The following JPH3 variants were observed in gnomAD, a reference collection of about 807,000 sequenced individuals.
JPH3 encodes junctophilin 3.
JPH3 carries 11 observed loss-of-function variants against 59.6 expected under a neutral mutation model. That is an observed-to-expected ratio of 0.18 (90% confidence interval 0.12 to 0.31). The LOEUF is 0.31. Ranked by LOEUF, JPH3 falls within the 10% of genes least tolerant of loss-of-function variation. The pLI is 1.00. For synonymous variants in JPH3, 673 were observed against 483.6 expected, an observed-to-expected ratio of 1.39 and a Z score of -5.14; for missense variants, 1,202 against 1,105.7, an observed-to-expected ratio of 1.09 and a Z score of -1.24.
intron 2 of JPH3, among the ~76,000 whole-genome samples, chr16:87,678,002 C>G (rs1320048836): frequency 1.3e-5 from 2 of 152,206 alleles, no homozygotes; most frequent in Non-Finnish European, 2.9e-5. Context: ...ACTGTAATCC[C>G]AGCACTTTGG....
At position 87,677,550 on chromosome 16, in the gene JPH3, C is replaced by T. The variant is rs117581614; in HGVS notation, c.1161-6592C>T. 2.3e-3 allele frequency among the ~76,000 whole-genome samples: 355 copies of T among 152,326 alleles called. 9 individuals are homozygous for T. The East Asian group carries it at 0.061, about 26-fold the overall frequency. ...TTCTACAAGGGTCCTCCTTACTAAA[C>T]CCCCTGCACAGGTGAGGAAACTGAG... is the stretch of plus-strand genomic sequence containing the variant. On this transcript the variant is annotated intron_variant, in intron 2 of 4. Coordinates refer to ENST00000284262, the MANE Select transcript of JPH3 (RefSeq NM_020655.4).
At chr16:87,684,905 G>A (rs2033380506) in intron 3 of JPH3, among the ~76,000 whole-genome samples, 2 of 152,258 alleles carry the variant, frequency 1.3e-5, no homozygotes, top group South Asian at 4.1e-4. Flanking sequence ...CGGAGAGGCC[G>A]TGGCCAGCTG....
At chr16:87,662,610 G>C (rs1462887488) in intron 2 of JPH3, among the ~76,000 whole-genome samples, 1 of 152,202 alleles carries the variant, frequency 6.6e-6, no homozygotes, top group Non-Finnish European at 1.5e-5. Flanking sequence ...CTGGCCCCCT[G>C]GTGGCCCCTC....
intron 1 of JPH3, chr16:87,604,489 C>A: frequency 7.5e-7 from 1 of 1,330,712 alleles, no homozygotes; most frequent in Non-Finnish European, 9.8e-7. Context: ...AGTCCACTCC[C>A]ATGTGGGAGC....
rs1039614803 is a variant in JPH3, at chr16:87,644,899, A to G, written c.1024A>G (p.Ile342Val). ...TKEEGKYKQN[I>V]LVGGKRKNLI... is the part of the protein sequence containing the mutation. The stretch of plus-strand genomic sequence containing the variant: ...GGAGGAGGGCAAGTACAAGCAGAAC[A>G]TCCTCGTCGGCGGCAAGCGCAAGAA... The change falls in exon 2 of 5, where the codon ATC becomes GTC. Residue 342 changes from isoleucine (I) to valine (V), a missense_variant. Transcript: ENST00000284262. 1.9e-6 allele frequency: 3 copies of G among 1,613,134 alleles called. No individual in the cohort carries two copies. The highest frequency in any genetic ancestry group is 2.5e-6 in the Non-Finnish European group (3 of 1,179,894).
chr16:87,684,298 T>C, intron 3 of JPH3, 32 bp downstream of exon 3: 5 of 1,611,564 alleles, frequency 3.1e-6, no homozygotes, highest in Non-Finnish European at 4.2e-6. Flanking sequence ...ACTGGCATCG[T>C]GGGGAGGGGG....
At chr16:87,693,808 G>A (rs903040207) in intron 4 of JPH3, 4 of 152,400 alleles carry the variant, frequency 2.6e-5, no homozygotes, top group Admixed American at 1.3e-4. Flanking sequence ...TGCAGAGCAC[G>A]GCGGGGGTGT....
In JPH3 at chr16:87,671,426, G is replaced by A. The variant is rs1597279978; in HGVS notation, c.1161-12716G>A. Among the ~76,000 whole-genome samples, 5 of 152,316 alleles carry A rather than the reference G, an allele frequency of 3.3e-5. 1 individual carries two copies. The East Asian group carries it at 9.6e-4, about 29-fold the overall frequency. ...ACAGCACCAGGCTCATGTGCCAGGT[G>A]ACTCAGCCAGGGCCACTCACCAGCG... On this transcript the variant is annotated intron_variant, in intron 2 of 4. Coordinates refer to ENST00000284262, the MANE Select transcript of JPH3 (RefSeq NM_020655.4).
chr16:87,629,624 C>T (rs917949155), intron 1 of JPH3, among the ~76,000 whole-genome samples: 2 of 131,090 alleles, frequency 1.5e-5, no homozygotes, highest in African/African-American at 5.7e-5. Context: ...AACTAGATGG[C>T]GTTCTGGAAG....
chr16:87,674,861 A>C (rs1000870259), intron 2 of JPH3, among the ~76,000 whole-genome samples: 2 of 152,030 alleles, frequency 1.3e-5, no homozygotes, highest in Non-Finnish European at 2.9e-5. Flanking sequence ...CTTGGGTTCA[A>C]GCCATTCTCC....
At chr16:87,677,215 CACACACACACAA>C (rs1309695103) in intron 2 of JPH3, among the ~76,000 whole-genome samples, 22 of 125,650 alleles carry the variant, frequency 1.8e-4, no homozygotes, top group East Asian at 5.3e-4. Context: ...CACACACACA[CACACACACACAA>C]AAAAAAAAAT....
chr16:87,658,205 G>C (rs1224032048), intron 2 of JPH3, among the ~76,000 whole-genome samples: 1 of 152,164 alleles, frequency 6.6e-6, no homozygotes, highest in African/African-American at 2.4e-5. Context: ...GGCTACTATA[G>C]CGACCTCCTG....
At chr16:87,606,805 C>T (rs963071259) in intron 1 of JPH3, among the ~76,000 whole-genome samples, 3 of 152,176 alleles carry the variant, frequency 2.0e-5, no homozygotes, top group Non-Finnish European at 2.9e-5. Context: ...GGACAGGAGA[C>T]TGGTGATCAT....
Position 87,640,327 on chromosome 16 carries a change from C to CAA in JPH3, c.383-3922_383-3921dup, listed in dbSNP as rs77410169. Among the ~76,000 whole-genome samples, 351 of 145,538 alleles carry CAA rather than the reference C, an allele frequency of 2.4e-3. 1 individual carries two copies. Among genetic ancestry groups the CAA allele is most frequent in the African/African-American group, 7.9e-3 (313 of 39,846 alleles). ...CTGGCGACAGAGCAAGACTCCATCT[C>CAA]AAAAAAAAAAGGGTTGTCCGGTTAC... On this transcript the variant is annotated intron_variant, in intron 1 of 4. Transcript: ENST00000284262.
At chr16:87,677,221 CACACAAAAAA>C (rs1361423965) in intron 2 of JPH3, among the ~76,000 whole-genome samples, 63 of 119,910 alleles carry the variant, frequency 5.3e-4, no homozygotes, top group South Asian at 2.7e-3. Context: ...CACACACACA[CACACAAAAAA>C]AAAAATTAGC....
At chr16:87,643,321 C>G (rs999802101) in intron 1 of JPH3, among the ~76,000 whole-genome samples, 1 of 152,242 alleles carries the variant, frequency 6.6e-6, no homozygotes, top group African/African-American at 2.4e-5. Flanking sequence ...CTTTCCCTTT[C>G]CAGCCATGGA....
In JPH3 at chr16:87,690,369, C is replaced by A. The variant is rs1202619928; in HGVS notation, c.2009C>A (p.Ser670Tyr). 1 of 1,537,880 alleles carries A rather than the reference C, an allele frequency of 6.5e-7. No individual in the cohort carries two copies. The highest frequency in any genetic ancestry group is 2.1e-5 in the Admixed American group (1 of 48,052). Reference protein sequence around the residue: ...QNKENFRPASSAEPAVQKLAS... With the variant: ...QNKENFRPASYAEPAVQKLAS... ...AAGGAGAACTTCAGGCCGGCCTCCT[C>A]CGCGGAGCCCGCCGTGCAGAAACTG... The change falls in exon 4 of 5, where the codon TCC becomes TAC. Residue 670 changes from serine to tyrosine, a missense_variant. Coordinates refer to ENST00000284262, the MANE Select transcript of JPH3 (RefSeq NM_020655.4).
intron 1 of JPH3, 89 bp from the exon 2 acceptor site, chr16:87,644,169 G>A: frequency 1.5e-6 from 2 of 1,348,710 alleles, no homozygotes; most frequent in Non-Finnish European, 2.0e-6. Flanking sequence ...AGCTCAGACA[G>A]GACTGTGGCT....
chr16:87,666,279 G>A (rs567391122), intron 2 of JPH3, among the ~76,000 whole-genome samples: 2 of 151,906 alleles, frequency 1.3e-5, no homozygotes, highest in Non-Finnish European at 2.9e-5. Flanking sequence ...AGTAGAGACA[G>A]GGTTTCATCA....
Sources: gnomAD v4.1 joint callset for allele counts (sites outside exome capture counted in the v4.1 genomes callset) on GRCh38, gnomAD v4.1.1 for gene constraint, MANE v1.5 for transcripts, NCBI Gene and HGNC (gene_info 2026-07-23, HGNC 2026-07-21) for gene names.